IFT140: variants seen among roughly 807,000 people sequenced by gnomAD.
The protein encoded by IFT140 is intraflagellar transport protein 140 homolog.
A neutral mutation model predicts 164.6 loss-of-function variants in IFT140; 133 were observed. That is an observed-to-expected ratio of 0.81 (90% CI 0.70 to 0.93). The LOEUF is 0.93. IFT140 is among the 40% of genes least tolerant of loss of function. The pLI, the probability that IFT140 is intolerant of heterozygous loss-of-function variation, is 0.00. For synonymous variants in IFT140, 860 were observed against 817.3 expected (o/e 1.05, Z -0.89); for missense variants, 2,045 against 1,972.3 (o/e 1.04, Z -0.70).
At chr16:1,535,139 G>A (rs1328389847) in intron 19 of IFT140, among the ~76,000 whole-genome samples, 10 of 152,108 alleles carry the variant, frequency 6.6e-5, no homozygotes, top group Admixed American at 6.5e-4. Context: ...TTGTTCTCAC[G>A]GTTGTTGGGG....
At chr16:1,588,527 A>AAATAATAATAATAAT (rs56785842) in intron 7 of IFT140, among the ~76,000 whole-genome samples, 2,285 of 145,406 alleles carry the variant, frequency 0.016, 62 homozygotes, top group African/African-American at 0.048. Context: ...TCCGTCTCAA[A>AAATAATAATAATAAT]AATAATAATA....
chr16:1,586,085 C>T (rs1439024834), intron 10 of IFT140, 45 bp downstream of exon 10: 1 of 1,603,866 alleles, frequency 6.2e-7, no homozygotes, highest in East Asian at 2.2e-5. Context: ...TCTCCACTTT[C>T]ATGCAGCAGA....
At chr16:1,609,970 G>A (rs913989360) in intron 2 of IFT140, 2 of 152,252 alleles carry the variant, frequency 1.3e-5, no homozygotes, top group Admixed American at 6.5e-5. Context: ...CTCACTTTCA[G>A]GCGTCCAGCG....
Position 1,566,329 on chromosome 16 carries a change from C to A in IFT140, c.1771-38G>T, listed in dbSNP as rs369685695. ...AAAACCAGAAAGCTCACGGAGCCTG[C>A]CCAGACCAGCGGGTTGGTGGGCTGT... On this transcript the variant is annotated intron_variant, in intron 15 of 30. Coordinates refer to ENST00000426508, the MANE Select transcript of IFT140 (RefSeq NM_014714.4). The A allele has an allele frequency of 8.3e-5, 134 of 1,607,274 alleles. No individual in the cohort carries two copies. The African/African-American group carries it at 1.6e-3, about 20-fold the overall frequency.
In IFT140 at chr16:1,551,813, C is replaced by T. The variant is rs937458283; in HGVS notation, c.2399+6122G>A. The stretch of plus-strand genomic sequence containing the variant: ...AAGATCAACTCTGCGGGACCTCCCA[C>T]CCGGGCTGGTTGCCCTGTGTTGCCT... On this transcript the variant is annotated intron_variant, in intron 19 of 30. Transcript: ENST00000426508. This position sits in a 1 kb window ranked among gnomAD's most constrained non-coding sequence, Gnocchi z 4.0. 6.6e-6 allele frequency among the ~76,000 whole-genome samples: 1 copy of T among 152,212 alleles called. No homozygotes were observed. Among genetic ancestry groups the T allele is most frequent in the Non-Finnish European group, 1.5e-5 (1 of 68,026 alleles).
rs2040419335 is a variant in IFT140 at position 1,518,215 on chromosome 16, C to T, written c.4182+1G>A. 2 of 1,610,946 alleles carry T rather than the reference C, an allele frequency of 1.2e-6. No homozygotes were observed. Among genetic ancestry groups the T allele is most frequent in the East Asian group, 2.2e-5 (1 of 44,884 alleles). On this transcript the variant is annotated splice_donor_variant, in intron 30 of 30. Coordinates refer to ENST00000426508, the MANE Select transcript of IFT140 (RefSeq NM_014714.4). LOFTEE classifies it high-confidence loss of function. Reference sequence around the variant, plus strand: ...GCTAGTGAGCAGCACTCAGGCCTCACCGTCTGGTATTCCTCCTTCCGCACG... The same window carrying T: ...GCTAGTGAGCAGCACTCAGGCCTCATCGTCTGGTATTCCTCCTTCCGCACG...
At chr16:1,592,435 C>T in intron 5 of IFT140, 32 bp downstream of exon 5, 1 of 1,612,866 alleles carries the variant, frequency 6.2e-7, no homozygotes, top group Non-Finnish European at 8.5e-7. Context: ...TGTAAACACA[C>T]ACACAGGTCA....
intron 8 of IFT140, 38 bp downstream of exon 8, chr16:1,587,895 A>G (rs1394442036): frequency 8.0e-6 from 12 of 1,505,974 alleles, no homozygotes; most frequent in African/African-American, 2.8e-5. Flanking sequence ...TTCCTCAGGG[A>G]ACTCTCATCA....
intron 19 of IFT140, among the ~76,000 whole-genome samples, chr16:1,557,042 A>C (rs1417277586): frequency 6.6e-6 from 1 of 151,780 alleles, no homozygotes; most frequent in African/African-American, 2.4e-5. Context: ...TCTCGAACGA[A>C]CTCCCGACCT....
chr16:1,609,918 G>A (rs2036253809), intron 2 of IFT140: 1 of 152,238 alleles, frequency 6.6e-6, no homozygotes, highest in South Asian at 2.1e-4. Context: ...CAACTTTGGG[G>A]AACAGGAGAA....
chr16:1,570,865 C>T (rs2033977174), intron 14 of IFT140, among the ~76,000 whole-genome samples: 1 of 152,182 alleles, frequency 6.6e-6, no homozygotes, highest in Non-Finnish European at 1.5e-5. Flanking sequence ...AAGCAATCCT[C>T]CCACCTCAGC....
At position 1,533,836 on chromosome 16, in the gene IFT140, G is replaced by A. The variant is rs1172984639; in HGVS notation, c.2400-7040C>T. The A allele has an allele frequency of 4.5e-6, 1 of 223,028 alleles. No individual in the cohort carries two copies. The highest frequency in any genetic ancestry group is 1.8e-4 in the East Asian group (1 of 5,652). 13.8% of individuals were successfully genotyped at this position (223,028 alleles called of 1,614,324 possible). A position where few individuals can be genotyped will look rare whatever the true frequency, so the allele number is the denominator to read the frequency against. ...CTCCACACCGGCCACCCTGCCCGGAGCCTGGCACTCACAGCAGGCCGGTGC... is the reference window on the plus strand; with the variant it reads ...CTCCACACCGGCCACCCTGCCCGGAACCTGGCACTCACAGCAGGCCGGTGC... On this transcript the variant is annotated intron_variant, in intron 19 of 30. Coordinates refer to ENST00000426508, the MANE Select transcript of IFT140 (RefSeq NM_014714.4). The surrounding 1 kb of genome is among the most constrained non-coding windows in gnomAD (Gnocchi z 4.7).
rs146666187 is a variant in IFT140 at position 1,518,340 on chromosome 16, G to C, written c.4058C>G (p.Pro1353Arg). The stretch of plus-strand genomic sequence containing the variant: ...CTCACACTGCTTGATGGACTCCTTG[G>C]GGTCCTCTGTGTACGTCCTGCCGAG... ...IQARRTYTED[P>R]KESIKQCELL... Residue 1353 changes from proline to arginine, a missense_variant, in exon 30 of 31, where the codon CCC (proline) becomes CGC (arginine). Transcript: ENST00000426508. 5.0e-6 allele frequency: 8 copies of C among 1,613,968 alleles called. No homozygotes were observed. The highest frequency in any genetic ancestry group is 3.3e-4 in the Middle Eastern group (2 of 6,060).
intron 9 of IFT140, 144 bp downstream of exon 9, chr16:1,587,054 C>T: frequency 1.6e-6 from 1 of 644,554 alleles, no homozygotes. Flanking sequence ...GCTTGCTTGC[C>T]CTTGCCCGAC....
intron 30 of IFT140, chr16:1,514,691 G>A (rs1278889964): frequency 6.6e-6 from 1 of 152,098 alleles, no homozygotes; most frequent in Non-Finnish European, 1.5e-5. Context: ...AGAATCCAGA[G>A]TCTCTACAAT....
At chr16:1,520,109 G>C (rs773007968) in intron 28 of IFT140, 22 bp downstream of exon 28, 1 of 1,611,924 alleles carries the variant, frequency 6.2e-7, no homozygotes, top group Non-Finnish European at 8.5e-7. Context: ...GGCCCCGCTG[G>C]CATGCCAGGG....
At chr16:1,555,191 T>G in intron 19 of IFT140, 1 of 867,634 alleles carries the variant, frequency 1.2e-6, no homozygotes, top group South Asian at 1.8e-5. Flanking sequence ...TTTACTGTTA[T>G]GTCGGTCATA....
chr16:1,534,481 A>T, intron 19 of IFT140: 1 of 1,610,500 alleles, frequency 6.2e-7, no homozygotes, highest in South Asian at 1.1e-5. Flanking sequence ...GGCCAGGTGG[A>T]CGCACATGAC....
intron 18 of IFT140, 90 bp from the exon 19 acceptor site, chr16:1,558,224 T>TG (rs1266129271): frequency 6.3e-6 from 8 of 1,273,726 alleles, no homozygotes; most frequent in Non-Finnish European, 9.1e-6. Flanking sequence ...AGCTCCCTTA[T>TG]GGGGGAGAAA....
Sources: allele counts gnomAD v4.1 joint callset (sites outside exome capture counted in the v4.1 genomes callset), GRCh38; gene constraint gnomAD v4.1.1; non-coding constraint Gnocchi (gnomAD v3.1); transcripts MANE v1.5; gene names NCBI Gene and HGNC (gene_info 2026-07-23, HGNC 2026-07-21).